Variants in KLHL13 observed in about 807,000 individuals in gnomAD.
KLHL13 encodes the protein kelch-like protein 13.
KLHL13 carries 10 observed loss-of-function variants against 37.1 expected under a neutral mutation model. The ratio of observed to expected loss-of-function variants is 0.27; its 90% CI spans 0.17 to 0.46. The LOEUF (loss-of-function observed/expected upper bound fraction) is 0.46, where lower values mean the gene tolerates loss of function less well. Ranked by LOEUF, KLHL13 falls within the 20% of genes least tolerant of loss-of-function variation. The probability of loss-of-function intolerance (pLI) is 1.00; values close to 1 mark genes in which losing one functional copy is unlikely to be tolerated. For synonymous variants in KLHL13, 163 were observed against 181.2 expected (o/e 0.90, Z 0.81); for missense variants, 360 against 509.3 (o/e 0.71, Z 2.82).
At chrX:118,087,274 C>T (rs918106693) in intron 1 of KLHL13, among the ~76,000 whole-genome samples, 1 of 110,118 alleles carries the variant, frequency 9.1e-6, no homozygotes, top group Non-Finnish European at 1.9e-5. Flanking sequence ...ATGTGAACTC[C>T]CTATAATTTG....
At chrX:117,952,090 C>A (rs1034057917) in intron 1 of KLHL13, among the ~76,000 whole-genome samples, 19 of 111,228 alleles carry the variant, frequency 1.7e-4, no homozygotes, top group African/African-American at 5.9e-4. Context: ...GAGCCCGCAT[C>A]GCCAAGTCAA....
exon 7 of KLHL13, chrX:117,899,124 G>T (rs1351769086): frequency 4.1e-6 from 5 of 1,210,070 alleles, no homozygotes; most frequent in Non-Finnish European, 5.6e-6. Flanking sequence ...TATTTTCGAA[G>T]ACAGCGACCC....
intron 1 of KLHL13, among the ~76,000 whole-genome samples, chrX:118,064,221 A>G (rs1295154221): frequency 9.0e-6 from 1 of 111,729 alleles, no homozygotes; most frequent in East Asian, 2.8e-4. Flanking sequence ...AAGCATATAT[A>G]TTTTCTGATT....
chrX:118,037,137 C>G (rs1415959635), intron 1 of KLHL13, among the ~76,000 whole-genome samples: 1 of 93,057 alleles, frequency 1.1e-5, no homozygotes, highest in Non-Finnish European at 2.1e-5. Flanking sequence ...CACTTTTACA[C>G]TGTTGGTGGG....
intron 1 of KLHL13, chrX:117,983,471 T>C: frequency 6.2e-6 from 7 of 1,121,857 alleles, no homozygotes; most frequent in Non-Finnish European, 8.3e-6. Context: ...TGTAGACCCC[T>C]GGACATACCC....
At chrX:118,053,748 A>G (rs1427286923) in intron 1 of KLHL13, among the ~76,000 whole-genome samples, 1 of 103,974 alleles carries the variant, frequency 9.6e-6, no homozygotes, top group Non-Finnish European at 2.0e-5. Context: ...GCATAAGAAA[A>G]GATGTCCAAT....
In KLHL13 at chrX:118,048,832, G is replaced by A. The variant is rs139549355; in HGVS notation, c.-56+67676C>T. Among the ~76,000 whole-genome samples the A allele has an allele frequency of 5.9e-4, 66 of 111,501 alleles. 1 individual carries two copies. The highest frequency in any genetic ancestry group is 2.1e-3 in the African/African-American group (64 of 30,748). Reference sequence around the variant, plus strand: ...TAATCATTACTCAGAGCACATACCTGCCAACGACCTAATTGTAGTTTTGCC... The same window carrying A: ...TAATCATTACTCAGAGCACATACCTACCAACGACCTAATTGTAGTTTTGCC... On this transcript the variant is annotated intron_variant, in intron 1 of 6. Coordinates refer to the KLHL13 transcript ENST00000371882.
At chrX:117,924,139 T>C (rs1931876793) in intron 2 of KLHL13, among the ~76,000 whole-genome samples, 1 of 112,216 alleles carries the variant, frequency 8.9e-6, no homozygotes, top group South Asian at 3.7e-4. Flanking sequence ...TATGTCTATC[T>C]TTATCCAAAT....
chrX:117,989,620 A>G (rs1257346902), intron 1 of KLHL13, among the ~76,000 whole-genome samples: 1 of 111,161 alleles, frequency 9.0e-6, no homozygotes, highest in Non-Finnish European at 1.9e-5. Flanking sequence ...CCCAATGCCA[A>G]TTCCACAGAG....
chrX:117,973,744 T>C, upstream of KLHL13: 1 of 775,166 alleles, frequency 1.3e-6, no homozygotes, highest in East Asian at 1.4e-4. Flanking sequence ...TTAATAGCAG[T>C]CCTCAGAGGG....
intron 1 of KLHL13, among the ~76,000 whole-genome samples, chrX:118,105,250 T>C (rs2055333878): frequency 8.9e-6 from 1 of 112,833 alleles, no homozygotes; most frequent in South Asian, 3.6e-4. Flanking sequence ...GAATCTGTTT[T>C]CTAACATGCC....
At chrX:118,069,957 T>C (rs2054840487) in intron 1 of KLHL13, among the ~76,000 whole-genome samples, 1 of 112,174 alleles carries the variant, frequency 8.9e-6, no homozygotes, top group Non-Finnish European at 1.9e-5. Flanking sequence ...ATTTTTTATC[T>C]TTTATACCAT....
At chrX:118,096,673 T>A (rs1412955132) in intron 1 of KLHL13, among the ~76,000 whole-genome samples, 2 of 111,131 alleles carry the variant, frequency 1.8e-5, no homozygotes, top group East Asian at 5.7e-4. Context: ...GATGCAAAAA[T>A]CCTCAATAAA....
intron 5 of KLHL13, among the ~76,000 whole-genome samples, chrX:117,903,774 A>T (rs1930314772): frequency 1.8e-5 from 2 of 110,944 alleles, no homozygotes; most frequent in Non-Finnish European, 3.8e-5. Context: ...AGACTTCCAG[A>T]TATCATCTTC....
At chrX:117,920,999 A>G (rs1931667411) in intron 2 of KLHL13, among the ~76,000 whole-genome samples, 1 of 111,911 alleles carries the variant, frequency 8.9e-6, no homozygotes, top group Admixed American at 9.5e-5. Flanking sequence ...GGAAACCCCA[A>G]CATGAGACTT....
Position 118,071,615 on chromosome X carries a change from A to G in KLHL13, c.-56+44893T>C, listed in dbSNP as rs754912770. ...AGCCCAAGATCTCCTTAAGCTGATAAGCAACTTCAGCAAAGTCTCAGGATA... is the reference window on the plus strand; with the variant it reads ...AGCCCAAGATCTCCTTAAGCTGATAGGCAACTTCAGCAAAGTCTCAGGATA... On this transcript the variant is annotated intron_variant, in intron 1 of 6. Coordinates refer to the KLHL13 transcript ENST00000371882. Among the ~76,000 whole-genome samples the G allele has an allele frequency of 2.2e-3, 248 of 111,245 alleles. 1 individual carries two copies. The highest frequency in any genetic ancestry group is 7.8e-3 in the African/African-American group (237 of 30,563).
chrX:117,920,113 T>A, intron 3 of KLHL13, 125 bp downstream of exon 4: 1 of 669,519 alleles, frequency 1.5e-6, no homozygotes, highest in East Asian at 3.5e-5. Flanking sequence ...CCATACATAC[T>A]GTTGTGTACT....
At chrX:117,962,352 G>A (rs1038062171) in intron 1 of KLHL13, among the ~76,000 whole-genome samples, 6 of 109,353 alleles carry the variant, frequency 5.5e-5, no homozygotes, top group Admixed American at 2.0e-4. Context: ...CAATTAAGCA[G>A]TGGGAGGATA....
At chrX:118,068,549 GC>G (rs1329625340) in intron 1 of KLHL13, among the ~76,000 whole-genome samples, 1 of 110,394 alleles carries the variant, frequency 9.1e-6, no homozygotes, top group Non-Finnish European at 1.9e-5. Flanking sequence ...GATCCCAGCA[GC>G]CCCCATCAAC....
Sources: allele counts gnomAD v4.1 joint callset (sites outside exome capture counted in the v4.1 genomes callset), GRCh38; gene constraint gnomAD v4.1.1; transcripts MANE v1.5; gene names NCBI Gene and HGNC (gene_info 2026-07-23, HGNC 2026-07-21).